The following LRP1B variants were observed in gnomAD, a reference collection of about 807,000 sequenced individuals.
LRP1B encodes LDL receptor related protein 1B, also known as low-density lipoprotein receptor-related protein 1B.
Under a neutral mutation model 556.6 loss-of-function variants are expected in LRP1B, and 217 were observed. That is an observed-to-expected ratio of 0.39 (90% CI 0.35 to 0.44). The LOEUF (loss-of-function observed/expected upper bound fraction) is 0.44. Among genes scored for constraint, LRP1B ranks in the 20% least tolerant of loss-of-function variants. The pLI is 1.00. For synonymous variants in LRP1B, 2,047 were observed against 1,865.8 expected, an observed-to-expected ratio of 1.10 and a Z score of -2.50; for missense variants, 5,053 against 5,620.8, an observed-to-expected ratio of 0.90 and a Z score of 3.23.
intron 3 of LRP1B, among the ~76,000 whole-genome samples, chr2:141,332,261 C>T (rs936140856): frequency 6.6e-6 from 1 of 151,998 alleles, no homozygotes; most frequent in African/African-American, 2.4e-5. Context: ...TTATCTTCTG[C>T]AAAATGAGCC....
At chr2:140,803,235 G>T (rs1347447168) in intron 32 of LRP1B, among the ~76,000 whole-genome samples, 6 of 145,162 alleles carry the variant, frequency 4.1e-5, no homozygotes, top group Non-Finnish European at 8.9e-5. Context: ...CTGAATAAAA[G>T]TGGTCAGTAT....
chr2:142,078,859 T>C (rs1321663528), intron 1 of LRP1B, among the ~76,000 whole-genome samples: 1 of 126,874 alleles, frequency 7.9e-6, no homozygotes, highest in African/African-American at 2.7e-5. Flanking sequence ...TAAAAAGCAA[T>C]ATCTATGTAG....
intron 35 of LRP1B, 70 bp downstream of exon 35, chr2:140,769,143 T>C: frequency 7.1e-6 from 10 of 1,401,794 alleles, no homozygotes; most frequent in Non-Finnish European, 9.0e-6. Flanking sequence ...AGGAAAAGAT[T>C]GTATTCCCAT....
chr2:140,851,482 G>A (rs1692453501), intron 28 of LRP1B, among the ~76,000 whole-genome samples, 170 bp downstream of exon 28: 1 of 152,068 alleles, frequency 6.6e-6, no homozygotes, highest in Non-Finnish European at 1.5e-5. Context: ...GTCTTCCCCA[G>A]AGCAGATGAA....
At chr2:142,056,824 C>T (rs1403857335) in intron 1 of LRP1B, among the ~76,000 whole-genome samples, 1 of 152,072 alleles carries the variant, frequency 6.6e-6, no homozygotes, top group Non-Finnish European at 1.5e-5. Context: ...CTTCCTCCTT[C>T]TCCCATATCT....
intron 2 of LRP1B, among the ~76,000 whole-genome samples, chr2:141,526,988 C>T (rs568001495): frequency 2.6e-4 from 40 of 152,186 alleles, no homozygotes; most frequent in African/African-American, 9.1e-4. Context: ...AGTATCAAGA[C>T]TGACAGTGAA....
intron 3 of LRP1B, among the ~76,000 whole-genome samples, chr2:141,317,635 G>A (rs1687083774): frequency 6.6e-6 from 1 of 152,120 alleles, no homozygotes; most frequent in Non-Finnish European, 1.5e-5. Context: ...TTTCCAAGAA[G>A]AATGATATAT....
At chr2:141,900,701 A>G (rs764950303) in intron 1 of LRP1B, among the ~76,000 whole-genome samples, 1 of 152,060 alleles carries the variant, frequency 6.6e-6, no homozygotes, top group Non-Finnish European at 1.5e-5. Flanking sequence ...AAGATTCTTC[A>G]ATTTATATTT....
At chr2:141,546,767 T>A (rs1395822776) in intron 2 of LRP1B, among the ~76,000 whole-genome samples, 1 of 152,210 alleles carries the variant, frequency 6.6e-6, no homozygotes, top group African/African-American at 2.4e-5. Flanking sequence ...TAAATCATCT[T>A]CAGCATCTGA....
chr2:141,269,843 G>T lies in LRP1B; in HGVS notation c.344-15202C>A, dbSNP rs559068818. 2.6e-5 allele frequency among the ~76,000 whole-genome samples: 4 copies of T among 152,088 alleles called. No homozygotes were observed. The South Asian group carries it at 8.3e-4, about 32-fold the overall frequency. On this transcript the variant is annotated intron_variant, in intron 3 of 90. Coordinates refer to ENST00000389484, the MANE Select transcript of LRP1B (RefSeq NM_018557.3). Reference sequence around the variant, plus strand: ...CCAGATGTTGAAATTAGCAGACAAAGACTTCAAATCAGCTATTATAAATAC... The same window carrying T: ...CCAGATGTTGAAATTAGCAGACAAATACTTCAAATCAGCTATTATAAATAC...
intron 57 of LRP1B, among the ~76,000 whole-genome samples, chr2:140,491,747 GT>G (rs1366826870): frequency 3.3e-5 from 5 of 151,642 alleles, no homozygotes; most frequent in African/African-American, 1.2e-4. Flanking sequence ...TTAAATTTTT[GT>G]TAGTTTTTTA....
chr2:140,718,338 T>A (rs2105468302), intron 35 of LRP1B, among the ~76,000 whole-genome samples: 1 of 152,144 alleles, frequency 6.6e-6, no homozygotes, highest in African/African-American at 2.4e-5. Context: ...TTCTAATCAA[T>A]CACCAGATAC....
chr2:141,883,871 G>A (rs1699030609), intron 1 of LRP1B, among the ~76,000 whole-genome samples: 1 of 152,094 alleles, frequency 6.6e-6, no homozygotes, highest in Admixed American at 6.6e-5. Context: ...CAAAATACCA[G>A]CACCCATGAA....
intron 3 of LRP1B, among the ~76,000 whole-genome samples, chr2:141,363,848 C>A (rs1311846363): frequency 1.3e-5 from 2 of 152,188 alleles, no homozygotes; most frequent in Admixed American, 6.5e-5. Context: ...AGCATAAATT[C>A]TTTTCAAATT....
At chr2:140,736,249 G>A (rs1410613368) in intron 35 of LRP1B, among the ~76,000 whole-genome samples, 1 of 151,956 alleles carries the variant, frequency 6.6e-6, no homozygotes, top group Non-Finnish European at 1.5e-5. Flanking sequence ...CATTCACTAG[G>A]GCTGATAGTA....
chr2:141,047,198 A>G (rs1698900153), intron 11 of LRP1B, among the ~76,000 whole-genome samples: 1 of 152,062 alleles, frequency 6.6e-6, no homozygotes, highest in Non-Finnish European at 1.5e-5. Flanking sequence ...CTGCTATCAC[A>G]TTAAGAGAAA....
At chr2:141,062,009 T>C in intron 8 of LRP1B, 42 bp downstream of exon 8, 1 of 1,543,826 alleles carries the variant, frequency 6.5e-7, no homozygotes, top group Non-Finnish European at 8.9e-7. Context: ...ATTCCTTTCT[T>C]TTTATTACCC....
intron 3 of LRP1B, among the ~76,000 whole-genome samples, chr2:141,422,713 TATC>T (rs1680187503): frequency 6.6e-6 from 1 of 152,246 alleles, no homozygotes; most frequent in South Asian, 2.1e-4. Flanking sequence ...TTGATAATGA[TATC>T]ATCTTCTCTT....
chr2:141,743,507 T>C (rs796381200), intron 2 of LRP1B, among the ~76,000 whole-genome samples: 1 of 82,110 alleles, frequency 1.2e-5, no homozygotes, highest in Non-Finnish European at 3.3e-5. Context: ...TTTTCTTTTT[T>C]TTTTTTTTTT....
Sources: gnomAD v4.1 joint callset for allele counts (sites outside exome capture counted in the v4.1 genomes callset) on GRCh38, gnomAD v4.1.1 for gene constraint, MANE v1.5 for transcripts, NCBI Gene and HGNC (gene_info 2026-07-23, HGNC 2026-07-21) for gene names.